Variants in ZBTB7C observed in about 807,000 individuals in gnomAD.
The protein encoded by ZBTB7C is zinc finger and BTB domain containing 7C.
ZBTB7C carries 8 observed loss-of-function variants against 25.7 expected under a neutral mutation model. The observed-to-expected ratio is 0.31, with a 90% CI of 0.18 to 0.56. The LOEUF is 0.56. Among genes scored for constraint, ZBTB7C ranks in the 20% least tolerant of loss-of-function variants. ZBTB7C has a pLI of 0.91. For missense variants in ZBTB7C, 824 were observed against 855.2 expected, an observed-to-expected ratio of 0.96 and a Z score of 0.46; for synonymous variants, 394 against 369.0, an observed-to-expected ratio of 1.07 and a Z score of -0.78.
At chr18:48,125,799 A>G (rs1015946307) in intron 3 of ZBTB7C, among the ~76,000 whole-genome samples, 2 of 152,234 alleles carry the variant, frequency 1.3e-5, no homozygotes, top group Admixed American at 6.5e-5. Context: ...GGGCAGCCCC[A>G]GGAGACACTG....
intron 3 of ZBTB7C, among the ~76,000 whole-genome samples, chr18:48,146,576 TGACA>T (rs1298171129): frequency 6.6e-6 from 1 of 152,236 alleles, no homozygotes; most frequent in African/African-American, 2.4e-5. Context: ...TCCCGGCATG[TGACA>T]GACAATTCGC....
At chr18:48,343,604 G>A (rs2046655514) in intron 1 of ZBTB7C, among the ~76,000 whole-genome samples, 1 of 152,156 alleles carries the variant, frequency 6.6e-6, no homozygotes, top group Non-Finnish European at 1.5e-5. Flanking sequence ...CCTATCAGCT[G>A]TGTGACCTTG....
intron 2 of ZBTB7C, among the ~76,000 whole-genome samples, chr18:48,190,927 C>T (rs1242608293): frequency 6.6e-6 from 1 of 152,206 alleles, no homozygotes; most frequent in Non-Finnish European, 1.5e-5. Context: ...TTATAATCGG[C>T]ATGTGACACA....
At chr18:48,378,868 G>C (rs142158229) in intron 1 of ZBTB7C, among the ~76,000 whole-genome samples, 182 of 152,250 alleles carry the variant, frequency 1.2e-3, no homozygotes, top group Non-Finnish European at 2.3e-3. Context: ...AACTCTTCCA[G>C]AAAGTAAAGC....
chr18:48,075,303 G>C (rs757806846), intron 3 of ZBTB7C, among the ~76,000 whole-genome samples: 1 of 152,206 alleles, frequency 6.6e-6, no homozygotes, highest in African/African-American at 2.4e-5. Flanking sequence ...GGAGAGAAAG[G>C]ACACAAGCTC....
At chr18:48,218,783 C>T (rs1461299513) in intron 2 of ZBTB7C, among the ~76,000 whole-genome samples, 1 of 152,206 alleles carries the variant, frequency 6.6e-6, no homozygotes, top group Non-Finnish European at 1.5e-5. Flanking sequence ...GGGCTACCCA[C>T]CTACAGGCCT....
upstream of ZBTB7C, among the ~76,000 whole-genome samples, chr18:48,410,194 G>A (rs1439726923): frequency 6.6e-6 from 1 of 152,192 alleles, no homozygotes; most frequent in Admixed American, 6.5e-5. Context: ...AGCGCACCAA[G>A]ACGCCTAGCC....
At chr18:48,350,196 G>A (rs2046832944) in intron 1 of ZBTB7C, among the ~76,000 whole-genome samples, 1 of 152,224 alleles carries the variant, frequency 6.6e-6, no homozygotes, top group Middle Eastern at 3.2e-3. Flanking sequence ...GTTGAAGTCT[G>A]ACAAGGGTCT....
chr18:48,051,910 C>T (rs2036702229), intron 3 of ZBTB7C, among the ~76,000 whole-genome samples: 2 of 151,098 alleles, frequency 1.3e-5, no homozygotes. Context: ...ATTTTTTCAT[C>T]CTTTATTTTC....
intron 3 of ZBTB7C, among the ~76,000 whole-genome samples, chr18:48,177,845 G>A (rs1306341530): frequency 1.3e-5 from 2 of 152,168 alleles, no homozygotes; most frequent in African/African-American, 2.4e-5. Context: ...TAGGGCCCTA[G>A]GTGGAGAATG....
chr18:48,071,486 A>C (rs1278829405), intron 3 of ZBTB7C, among the ~76,000 whole-genome samples: 1 of 152,216 alleles, frequency 6.6e-6, no homozygotes, highest in African/African-American at 2.4e-5. Flanking sequence ...AAAGAAACTA[A>C]ATAACAAGTG....
intron 2 of ZBTB7C, among the ~76,000 whole-genome samples, chr18:48,277,773 T>C (rs968069279): frequency 6.6e-6 from 1 of 151,822 alleles, no homozygotes; most frequent in African/African-American, 2.4e-5. Flanking sequence ...ACAAACATAG[T>C]GGTTTATAAG....
chr18:48,314,635 C>G (rs1175089288), intron 2 of ZBTB7C, among the ~76,000 whole-genome samples: 2 of 152,080 alleles, frequency 1.3e-5, no homozygotes, highest in Non-Finnish European at 1.5e-5. Context: ...ACTGTATACC[C>G]AATCAGGCAC....
intron 3 of ZBTB7C, among the ~76,000 whole-genome samples, chr18:48,159,310 T>C (rs2040931522): frequency 6.6e-6 from 1 of 152,178 alleles, no homozygotes; most frequent in Admixed American, 6.5e-5. Context: ...TCAGTTTCCT[T>C]GTCTTTAAAA....
intron 1 of ZBTB7C, chr18:48,350,706 G>A (rs1177373985): frequency 6.6e-6 from 1 of 152,146 alleles, no homozygotes; most frequent in Non-Finnish European, 1.5e-5. Context: ...TCCCCTCCCT[G>A]TTAACATTTC....
chr18:48,400,147 C>T (rs1009077663), intron 1 of ZBTB7C, among the ~76,000 whole-genome samples: 3 of 152,200 alleles, frequency 2.0e-5, no homozygotes, highest in African/African-American at 7.2e-5. Flanking sequence ...GTTTTAAAAA[C>T]TCATGGTGAT....
rs577031677 is a variant in ZBTB7C at position 48,140,992 on chromosome 18, G to A, written c.-17+44942C>T. ...CTGCTCCTTCGGCCCAACGCCACAC[G>A]ACTGCCAAAGCAATCCACTTAAAAC... On this transcript the variant is annotated intron_variant, in intron 3 of 4. Coordinates refer to ENST00000590800, the MANE Select transcript of ZBTB7C (RefSeq NM_001318841.2). Among the ~76,000 whole-genome samples, 15 of 152,214 alleles carry A rather than the reference G, an allele frequency of 9.9e-5. No individual in the cohort carries two copies. In the South Asian group the frequency reaches 2.7e-3, roughly 27 times the overall value.
At chr18:48,170,849 C>T (rs1347027561) in intron 3 of ZBTB7C, among the ~76,000 whole-genome samples, 1 of 152,072 alleles carries the variant, frequency 6.6e-6, no homozygotes, top group South Asian at 2.1e-4. Flanking sequence ...CGCCCCTGTA[C>T]GACTGCAGAG....
Position 48,029,571 on chromosome 18 carries a change from G to T in ZBTB7C, c.1549C>A (p.His517Asn), listed in dbSNP as rs895160165. 1 of 1,505,000 alleles carries T rather than the reference G, an allele frequency of 6.6e-7. No individual in the cohort carries two copies. 93.2% of individuals were successfully genotyped at this position (1,505,000 alleles called of 1,614,324 possible). The change falls in exon 5 of 5, where the codon CAC (histidine) becomes AAC (asparagine). Residue 517 changes from histidine to asparagine, a missense_variant. By Grantham distance (68) the His-to-Asn change is moderately conservative. Coordinates refer to ENST00000590800, the MANE Select transcript of ZBTB7C (RefSeq NM_001318841.2). Reference sequence around the variant, plus strand: ...AGGCACACAGCTGCGCCGCCCAGGTGGCCGCCCACCTCGCCCAGCGCAGGG... The same window carrying T: ...AGGCACACAGCTGCGCCGCCCAGGTTGCCGCCCACCTCGCCCAGCGCAGGG... ...MPPALGEVGG[H>N]LGGAAVCLPG... is the part of the protein sequence containing the mutation.
Sources: gnomAD v4.1 joint callset for allele counts (sites outside exome capture counted in the v4.1 genomes callset) on GRCh38, gnomAD v4.1.1 for gene constraint, MANE v1.5 for transcripts, NCBI Gene and HGNC (gene_info 2026-07-23, HGNC 2026-07-21) for gene names.